The following LRIG1 variants were observed in gnomAD, a reference collection of about 807,000 sequenced individuals.
LRIG1 encodes the protein leucine-rich repeats and immunoglobulin-like domains protein 1.
Under a neutral mutation model 99.2 loss-of-function variants are expected in LRIG1, and 48 were observed. The ratio of observed to expected loss-of-function variants is 0.48; its 90% CI spans 0.38 to 0.62. The LOEUF (loss-of-function observed/expected upper bound fraction) is 0.62. LRIG1 is among the 20% of genes least tolerant of loss of function. The probability of loss-of-function intolerance (pLI) is 0.00; values close to 1 mark genes in which losing one functional copy is unlikely to be tolerated. For synonymous variants in LRIG1, 772 were observed against 596.1 expected (o/e 1.29, Z -4.30); for missense variants, 1,646 against 1,434.4 (o/e 1.15, Z -2.38).
chr3:66,445,122 AT>A (rs1703672328), intron 3 of LRIG1, among the ~76,000 whole-genome samples: 1 of 151,772 alleles, frequency 6.6e-6, no homozygotes, highest in Non-Finnish European at 1.5e-5. Flanking sequence ...CTTTGCTCAC[AT>A]TTTCTTCCTA....
intron 1 of LRIG1, among the ~76,000 whole-genome samples, chr3:66,479,325 T>C (rs1299990634): frequency 2.0e-5 from 3 of 152,238 alleles, no homozygotes; most frequent in Non-Finnish European, 4.4e-5. Flanking sequence ...AGGGACACTA[T>C]GTAATAAGCT....
intron 3 of LRIG1, among the ~76,000 whole-genome samples, chr3:66,441,276 C>T (rs1422410408): frequency 6.6e-6 from 1 of 152,136 alleles, no homozygotes; most frequent in Non-Finnish European, 1.5e-5. Flanking sequence ...GTTTGAAAGG[C>T]ATCCAGGAAG....
chr3:66,437,306 A>T (rs114665974), intron 3 of LRIG1, among the ~76,000 whole-genome samples: 1 of 152,232 alleles, frequency 6.6e-6, no homozygotes, highest in Non-Finnish European at 1.5e-5. Flanking sequence ...TCATCTAAGC[A>T]AACAGAGGCT....
In LRIG1 at chr3:66,407,394, G is replaced by A. The variant is rs1212877622; in HGVS notation, c.1033C>T (p.His345Tyr). Residue 345 changes from histidine to tyrosine, a missense_variant, in exon 8 of 19, where the codon CAC becomes TAC. Coordinates refer to ENST00000273261, the MANE Select transcript of LRIG1 (RefSeq NM_015541.3). ...VLRLSHNSIS[H>Y]IAEGAFKGLR... is the part of the protein sequence containing the mutation. The stretch of plus-strand genomic sequence containing the variant: ...CCCTTGAAGGCACCCTCCGCAATGT[G>A]GCTGATGGAATTGTGGCTGAGACGC... 1.9e-6 allele frequency: 3 copies of A among 1,613,978 alleles called. No homozygotes were observed. The African/African-American group carries it at 4.0e-5, about 22-fold the overall frequency.
chr3:66,481,520 T>TACACAC (rs35420784), intron 1 of LRIG1, among the ~76,000 whole-genome samples: 6 of 149,962 alleles, frequency 4.0e-5, no homozygotes, highest in Non-Finnish European at 7.4e-5. Context: ...AGGGTTTATG[T>TACACAC]ACACACACAC....
intron 1 of LRIG1, among the ~76,000 whole-genome samples, chr3:66,478,969 C>A (rs1423167940): frequency 1.3e-5 from 2 of 152,162 alleles, no homozygotes; most frequent in African/African-American, 4.8e-5. Flanking sequence ...GCCTCGGCTC[C>A]CTTTCCCATT....
chr3:66,442,772 A>T (rs540133694), intron 3 of LRIG1, among the ~76,000 whole-genome samples: 120 of 152,206 alleles, frequency 7.9e-4, no homozygotes, highest in African/African-American at 2.7e-3. Context: ...GGTGGAAAGG[A>T]AAAAAGCCCT....
At chr3:66,472,919 C>T (rs188931754) in intron 1 of LRIG1, among the ~76,000 whole-genome samples, 1 of 152,148 alleles carries the variant, frequency 6.6e-6, no homozygotes. Flanking sequence ...TTTGACAATT[C>T]ACTCTCTAAC....
chr3:66,422,864 C>T (rs1702863610), intron 3 of LRIG1, among the ~76,000 whole-genome samples: 2 of 152,218 alleles, frequency 1.3e-5, no homozygotes, highest in South Asian at 2.1e-4. Context: ...AGAGGCCTCA[C>T]AATCATGGCA....
chr3:66,405,694 C>T, intron 8 of LRIG1: 2 of 1,095,016 alleles, frequency 1.8e-6, no homozygotes, highest in East Asian at 6.8e-5. Flanking sequence ...CGAGAAACTG[C>T]AGAAAGCACA....
Position 66,383,253 on chromosome 3 carries a change from G to C in LRIG1, c.2220C>G (p.His740Gln). Reference protein sequence around the residue: ...DRPLSLTERHHLTPDNQLLVV... With the variant: ...DRPLSLTERHQLTPDNQLLVV... ...CCAGGAGCTGGTTGTCAGGGGTCAA[G>C]TGGTGCCGCTCAGTGAGGCTCAGCG... Residue 740 changes from histidine (H) to glutamine (Q), a missense_variant, in exon 15 of 19, where the codon CAC (histidine) becomes CAG (glutamine). Transcript: ENST00000273261. 1 of 1,614,222 alleles carries C rather than the reference G, an allele frequency of 6.2e-7. No individual in the cohort carries two copies. Among genetic ancestry groups the C allele is most frequent in the African/African-American group, 1.3e-5 (1 of 75,080 alleles).
At chr3:66,483,126 G>C (rs1238956006) in intron 1 of LRIG1, among the ~76,000 whole-genome samples, 1 of 151,954 alleles carries the variant, frequency 6.6e-6, no homozygotes, top group African/African-American at 2.4e-5. Flanking sequence ...GGGGACAAAA[G>C]GCTTCCCTAC....
intron 3 of LRIG1, among the ~76,000 whole-genome samples, chr3:66,439,835 C>G (rs759334016): frequency 1.3e-5 from 2 of 152,162 alleles, no homozygotes; most frequent in Non-Finnish European, 2.9e-5. Flanking sequence ...ACCAAACACC[C>G]TCACCCGCGC....
chr3:66,445,774 G>A (rs184801019), intron 3 of LRIG1, among the ~76,000 whole-genome samples: 34 of 152,326 alleles, frequency 2.2e-4, no homozygotes, highest in Admixed American at 4.6e-4. Flanking sequence ...AGGACAAGAC[G>A]TCTCAACCCA....
In LRIG1 at chr3:66,380,094, CT is replaced by C. The variant is rs1700944762; in HGVS notation, c.*168del. 1 of 570,520 alleles carries C rather than the reference CT, an allele frequency of 1.8e-6. No homozygotes were observed. The highest frequency in any genetic ancestry group is 1.9e-5 in the African/African-American group (1 of 53,772). 35.3% of individuals were successfully genotyped at this position (570,520 alleles called of 1,614,324 possible). A position where few individuals can be genotyped will look rare whatever the true frequency, so the allele number is the denominator to read the frequency against. ...TTTTTGCCTTTTGTACACAAATCCC[CT>C]CTTGCGTTTACTGTGCTTCAGATCC... is the stretch of plus-strand genomic sequence containing the variant. On this transcript the variant is annotated 3_prime_UTR_variant, in exon 19 of 19. Coordinates refer to ENST00000273261, the MANE Select transcript of LRIG1 (RefSeq NM_015541.3).
Position 66,407,475 on chromosome 3 carries a change from T to A in LRIG1, c.952A>T (p.Asn318Tyr), listed in dbSNP as rs1302802823. ...KLHELVLSFN[N>Y]LTRLDEESLA... ...CTCTCCTCGTCCAGCCGTGTCAGGT[T>A]GTTGAAGGACAGGACCCTGAGGAAA... The change falls in exon 8 of 19, where the codon AAC becomes TAC. Residue 318 changes from asparagine to tyrosine, a missense_variant. Coordinates refer to ENST00000273261, the MANE Select transcript of LRIG1 (RefSeq NM_015541.3). 1.9e-6 allele frequency: 3 copies of A among 1,613,984 alleles called. No homozygotes were observed. In the South Asian group the frequency reaches 3.3e-5, roughly 18 times the overall value.
rs149162295 is a variant in LRIG1, at chr3:66,491,892, T to C, written c.218+8298A>G. On this transcript the variant is annotated intron_variant, in intron 1 of 18. Transcript: ENST00000273261. ...TTTACCTTTCTCCATATTCAAAAGG[T>C]AAGAAAAAACACTCCAGAGCAACAG... 7.4e-4 allele frequency among the ~76,000 whole-genome samples: 113 copies of C among 152,144 alleles called. No homozygotes were observed. In the East Asian group the frequency reaches 0.02, roughly 27 times the overall value.
At chr3:66,491,193 A>G (rs1026767203) in intron 1 of LRIG1, among the ~76,000 whole-genome samples, 1 of 152,256 alleles carries the variant, frequency 6.6e-6, no homozygotes, top group Non-Finnish European at 1.5e-5. Context: ...GGCCTTACAA[A>G]GTAAACAATA....
chr3:66,446,219 C>T (rs1161424064), intron 3 of LRIG1, among the ~76,000 whole-genome samples: 1 of 152,110 alleles, frequency 6.6e-6, no homozygotes, highest in Admixed American at 6.5e-5. Context: ...CCTTTGCTGC[C>T]TCAGATCCCT....
Sources: gnomAD v4.1 joint callset for allele counts (sites outside exome capture counted in the v4.1 genomes callset) on GRCh38, gnomAD v4.1.1 for gene constraint, MANE v1.5 for transcripts, NCBI Gene and HGNC (gene_info 2026-07-23, HGNC 2026-07-21) for gene names.